SYT16: variants seen among roughly 807,000 people sequenced by gnomAD.
SYT16 encodes synaptotagmin 16.
SYT16 carries 42 observed loss-of-function variants against 61.4 expected under a neutral mutation model. That is an observed-to-expected ratio of 0.68 (90% confidence interval 0.53 to 0.89). SYT16 has a LOEUF of 0.89. Ranked by LOEUF, SYT16 falls within the 40% of genes least tolerant of loss-of-function variation. The probability of loss-of-function intolerance (pLI) is 0.00; values close to 1 mark genes in which losing one functional copy is unlikely to be tolerated. For synonymous variants in SYT16, 314 were observed against 302.3 expected, an observed-to-expected ratio of 1.04 and a Z score of -0.40; for missense variants, 804 against 807.3, an observed-to-expected ratio of 1.00 and a Z score of 0.05.
chr14:61,965,243 C>T (rs893265204), intron 1 of SYT16, among the ~76,000 whole-genome samples: 4 of 152,056 alleles, frequency 2.6e-5, no homozygotes, highest in African/African-American at 4.8e-5. Context: ...CTTGTGTTGC[C>T]GCCTTCTGAG....
At chr14:61,886,912 C>CTTTTTTA (rs2047930727) in intron 1 of SYT16, among the ~76,000 whole-genome samples, 5 of 101,882 alleles carry the variant, frequency 4.9e-5, no homozygotes, top group Admixed American at 1.0e-4. Context: ...TTTTTTTTTT[C>CTTTTTTA]CTTTTTATGG....
rs1391070775 is a variant in SYT16 at position 61,861,889 on chromosome 14, A to C, written c.-325+49079A>C. 3.3e-5 allele frequency among the ~76,000 whole-genome samples: 5 copies of C among 152,342 alleles called. No homozygotes were observed. In the East Asian group the frequency reaches 9.6e-4, roughly 29 times the overall value. ...AGTATACAATAGCATCATATCCAAA[A>C]AAATACCTACCTTAATGAAATATAC... On this transcript the variant is annotated intron_variant, in intron 1 of 7. Transcript: ENST00000683842.
chr14:61,815,678 C>G (rs1185581893), intron 1 of SYT16, among the ~76,000 whole-genome samples: 1 of 152,062 alleles, frequency 6.6e-6, no homozygotes, highest in Non-Finnish European at 1.5e-5. Flanking sequence ...AACTCGAGAG[C>G]TTCAACTAGG....
At chr14:61,901,125 A>G (rs1270448153) in intron 1 of SYT16, among the ~76,000 whole-genome samples, 1 of 152,122 alleles carries the variant, frequency 6.6e-6, no homozygotes, top group African/African-American at 2.4e-5. Flanking sequence ...TAACTAATCT[A>G]GCCTTCCCTT....
At chr14:61,880,761 G>A (rs1293809236) in intron 1 of SYT16, among the ~76,000 whole-genome samples, 1 of 151,592 alleles carries the variant, frequency 6.6e-6, no homozygotes, top group Non-Finnish European at 1.5e-5. Flanking sequence ...TTTTTGTTGT[G>A]GTACTGTTGA....
chr14:61,828,125 C>T (rs999750445), intron 1 of SYT16, among the ~76,000 whole-genome samples: 7 of 152,194 alleles, frequency 4.6e-5, no homozygotes, highest in Non-Finnish European at 8.8e-5. Flanking sequence ...TGGCCGCCTA[C>T]AAGCCAAAGA....
At chr14:61,980,386 G>A (rs950120379) in intron 2 of SYT16, among the ~76,000 whole-genome samples, 4 of 152,130 alleles carry the variant, frequency 2.6e-5, no homozygotes, top group Non-Finnish European at 5.9e-5. Context: ...ATCAGGACAA[G>A]CCTTGATATA....
At chr14:61,838,880 C>T (rs2046215658) in intron 1 of SYT16, among the ~76,000 whole-genome samples, 1 of 152,170 alleles carries the variant, frequency 6.6e-6, no homozygotes, top group South Asian at 2.1e-4. Flanking sequence ...ATGTAGGCAA[C>T]AGGCCTAAGG....
chr14:62,057,366 T>G (rs577243612), intron 3 of SYT16, among the ~76,000 whole-genome samples: 1 of 152,360 alleles, frequency 6.6e-6, no homozygotes, highest in African/African-American at 2.4e-5. Flanking sequence ...TATCATTGTA[T>G]TCAGAGTTAG....
intron 1 of SYT16, among the ~76,000 whole-genome samples, chr14:61,854,483 A>G (rs2046716605): frequency 6.6e-6 from 1 of 152,208 alleles, no homozygotes; most frequent in South Asian, 2.1e-4. Flanking sequence ...CCTTGTCACT[A>G]TTACTATAGT....
intron 7 of SYT16, among the ~76,000 whole-genome samples, chr14:62,098,248 T>G (rs998927660): frequency 1.3e-5 from 2 of 152,236 alleles, no homozygotes; most frequent in Non-Finnish European, 2.9e-5. Flanking sequence ...AAATGAGCAG[T>G]AAACACTAAT....
chr14:61,985,523 G>A (rs1256873620), intron 2 of SYT16, among the ~76,000 whole-genome samples: 1 of 152,146 alleles, frequency 6.6e-6, no homozygotes, highest in African/African-American at 2.4e-5. Flanking sequence ...AAAACCTGTT[G>A]TGTAATTGTT....
At chr14:62,033,147 A>T (rs1318724542) in intron 3 of SYT16, among the ~76,000 whole-genome samples, 2 of 152,142 alleles carry the variant, frequency 1.3e-5, no homozygotes, top group Non-Finnish European at 2.9e-5. Flanking sequence ...TTGATTTTAA[A>T]TATTAAGGCA....
chr14:61,994,514 G>A (rs1019914813), intron 2 of SYT16, among the ~76,000 whole-genome samples: 1 of 152,128 alleles, frequency 6.6e-6, no homozygotes, highest in Non-Finnish European at 1.5e-5. Context: ...GGCTGGAGAT[G>A]TATATTTTGG....
At chr14:62,074,137 G>A (rs1445000730) in intron 4 of SYT16, among the ~76,000 whole-genome samples, 1 of 152,194 alleles carries the variant, frequency 6.6e-6, no homozygotes, top group East Asian at 1.9e-4. Context: ...GAGGCAAATA[G>A]TGGGGGCAGC....
At chr14:62,034,650 C>T (rs745445349) in intron 3 of SYT16, among the ~76,000 whole-genome samples, 22 of 150,068 alleles carry the variant, frequency 1.5e-4, no homozygotes, top group Non-Finnish European at 3.0e-4. Flanking sequence ...CACAATAGGC[C>T]ATTCCATATA....
At chr14:61,931,859 A>C (rs1190952345) in intron 1 of SYT16, among the ~76,000 whole-genome samples, 2 of 152,146 alleles carry the variant, frequency 1.3e-5, no homozygotes, top group Non-Finnish European at 1.5e-5. Flanking sequence ...CATTAGAATA[A>C]ATTCTTTAAG....
intron 3 of SYT16, among the ~76,000 whole-genome samples, chr14:62,051,094 C>T (rs1178956630): frequency 1.3e-5 from 2 of 152,246 alleles, no homozygotes; most frequent in African/African-American, 4.8e-5. Flanking sequence ...GCAGGCAGGC[C>T]TCCTTGAGCT....
At chr14:62,089,273 C>T (rs1327001141) in intron 7 of SYT16, among the ~76,000 whole-genome samples, 2 of 150,836 alleles carry the variant, frequency 1.3e-5, no homozygotes, top group African/African-American at 2.4e-5. Context: ...GTGCCAAGAT[C>T]GCACTACTGC....
Sources: gnomAD v4.1 joint callset for allele counts (sites outside exome capture counted in the v4.1 genomes callset) on GRCh38, gnomAD v4.1.1 for gene constraint, MANE v1.5 for transcripts, NCBI Gene and HGNC (gene_info 2026-07-23, HGNC 2026-07-21) for gene names.